Variants in COL4A1 observed in about 807,000 individuals in gnomAD.
COL4A1 encodes collagen alpha-1(IV) chain.
COL4A1 carries 40 observed loss-of-function variants against 216.6 expected under a neutral mutation model. The ratio of observed to expected loss-of-function variants is 0.18; its 90% CI spans 0.14 to 0.24. The LOEUF (loss-of-function observed/expected upper bound fraction) is 0.24. Among genes scored for constraint, COL4A1 ranks in the 10% least tolerant of loss-of-function variants. The pLI, the probability that COL4A1 is intolerant of heterozygous loss-of-function variation, is 1.00. For missense variants in COL4A1, 1,628 were observed against 2,196.8 expected (o/e 0.74, Z 5.18); for synonymous variants, 839 against 810.7 (o/e 1.03, Z -0.59).
At chr13:110,175,391 C>T (rs1877837595) in intron 36 of COL4A1, 34 bp from the exon 37 acceptor site, 1 of 1,613,458 alleles carries the variant, frequency 6.2e-7, no homozygotes, top group South Asian at 1.1e-5. Flanking sequence ...TTGATTTGGG[C>T]TTAGCTAGTG....
chr13:110,249,856 A>G (rs984685374), intron 1 of COL4A1, among the ~76,000 whole-genome samples: 1 of 152,224 alleles, frequency 6.6e-6, no homozygotes, highest in African/African-American at 2.4e-5. Flanking sequence ...TTACATTTGC[A>G]TAACATTTTT....
At chr13:110,221,184 T>A (rs1266671502) in intron 2 of COL4A1, among the ~76,000 whole-genome samples, 1 of 152,264 alleles carries the variant, frequency 6.6e-6, no homozygotes, top group African/African-American at 2.4e-5. Context: ...AGCTGAACAC[T>A]CAAGTCATAT....
chr13:110,260,968 T>C (rs1193127), intron 1 of COL4A1, among the ~76,000 whole-genome samples: 148,399 of 149,686 alleles, frequency 0.99, 73,578 homozygotes, highest in Middle Eastern at 1. Context: ...ACCCGAGAAG[T>C]GGAGCTTGCA....
rs1175219733 is a variant in COL4A1, at chr13:110,169,670, C to T, written c.3835G>A (p.Val1279Ile). ...CCAGGGTCTCCCTTGGGCCCTGGGA[C>T]ACCGGGTGCTCCTGGCCAGCCTGGA... ...GNPGWPGAPG[V>I]PGPKGDPGFQ... The change falls in exon 43 of 52, where the codon GTC (valine) becomes ATC (isoleucine). Residue 1279 changes from valine to isoleucine, a missense_variant. Physicochemically the swap from Val to Ile is conservative, Grantham distance 29. Transcript: ENST00000375820. 6.2e-7 allele frequency: 1 copy of T among 1,614,140 alleles called. No individual in the cohort carries two copies. The highest frequency in any genetic ancestry group is 1.3e-5 in the African/African-American group (1 of 75,034).
Position 110,173,882 on chromosome 13 carries a change from T to A in COL4A1, c.3505+18A>T, listed in dbSNP as rs769179345. On this transcript the variant is annotated intron_variant, in intron 40 of 51. Transcript: ENST00000375820. The stretch of plus-strand genomic sequence containing the variant: ...GGACACTGCTGATTCTGATAGGGAA[T>A]GGGGCGTTGGGCCATACCTGGTTCA... 2 of 1,613,838 alleles carry A rather than the reference T, an allele frequency of 1.2e-6. No individual in the cohort carries two copies. Among genetic ancestry groups the A allele is most frequent in the African/African-American group, 1.3e-5 (1 of 74,914 alleles).
chr13:110,260,281 A>G (rs1723961165), intron 1 of COL4A1, among the ~76,000 whole-genome samples: 1 of 152,230 alleles, frequency 6.6e-6, no homozygotes, highest in Non-Finnish European at 1.5e-5. Flanking sequence ...TCCCATTTAT[A>G]AAACCGTCGC....
At chr13:110,159,829 G>C (rs980591539) in intron 49 of COL4A1, among the ~76,000 whole-genome samples, 3 of 152,168 alleles carry the variant, frequency 2.0e-5, no homozygotes, top group Non-Finnish European at 4.4e-5. Context: ...AGGACATTAT[G>C]CTGAGTGAAA....
At chr13:110,167,065 G>T in intron 44 of COL4A1, 93 bp downstream of exon 44, 1 of 960,116 alleles carries the variant, frequency 1.0e-6, no homozygotes, top group Non-Finnish European at 1.7e-6. Flanking sequence ...AATGGCAGCG[G>T]TGCTATCAGT....
chr13:110,285,093 T>C (rs117046138), intron 1 of COL4A1, among the ~76,000 whole-genome samples: 1 of 152,344 alleles, frequency 6.6e-6, no homozygotes, highest in East Asian at 1.9e-4. Flanking sequence ...TGAGCAGTGT[T>C]TGGATCTTTT....
At position 110,268,828 on chromosome 13, in the gene COL4A1, C is replaced by T. The variant is rs1292504665; in HGVS notation, c.85-26094G>A. Among the ~76,000 whole-genome samples the T allele has an allele frequency of 6.6e-6, 1 of 152,144 alleles. No homozygotes were observed. The highest frequency in any genetic ancestry group is 1.5e-5 in the Non-Finnish European group (1 of 68,032). On this transcript the variant is annotated intron_variant, in intron 1 of 51. Transcript: ENST00000375820. The surrounding 1 kb of genome is among the most constrained non-coding windows in gnomAD (Gnocchi z 4.1). The stretch of plus-strand genomic sequence containing the variant: ...CTCTGTCATCCGCCCATCTTCCAGC[C>T]GAGGGCAGGTGAGACACAAGGAGGA...
intron 1 of COL4A1, among the ~76,000 whole-genome samples, chr13:110,270,627 C>T (rs1883211718): frequency 6.6e-6 from 1 of 152,066 alleles, no homozygotes; most frequent in Non-Finnish European, 1.5e-5. Flanking sequence ...AACGAGGTCT[C>T]TGACCTCCCA....
chr13:110,219,670 A>ATGTG (rs1555307845), intron 2 of COL4A1, among the ~76,000 whole-genome samples: 11,629 of 72,330 alleles, frequency 0.16, 676 homozygotes, highest in East Asian at 0.26. Context: ...ATGTATATAT[A>ATGTG]TATATATGTG....
intron 23 of COL4A1, 52 bp from the exon 24 acceptor site, chr13:110,192,336 T>A (rs777454103): frequency 6.5e-7 from 1 of 1,533,356 alleles, no homozygotes; most frequent in Non-Finnish European, 9.0e-7. Flanking sequence ...ATGAGACACT[T>A]CTCAAAACCT....
rs1877826302 is a variant in COL4A1 at position 110,175,205 on chromosome 13, G to A, written c.3198+13C>T. The stretch of plus-strand genomic sequence containing the variant: ...TGGGAGAAGGGGACCTTTCCACGCA[G>A]AGCGCTGGTTACCTTTTCACCTCGC... On this transcript the variant is annotated intron_variant, in intron 37 of 51. Transcript: ENST00000375820. The A allele has an allele frequency of 1.9e-6, 3 of 1,614,074 alleles. No homozygotes were observed. The highest frequency in any genetic ancestry group is 4.5e-5 in the East Asian group (2 of 44,898).
intron 1 of COL4A1, among the ~76,000 whole-genome samples, chr13:110,286,843 T>C (rs567013133): frequency 6.6e-6 from 1 of 152,364 alleles, no homozygotes; most frequent in South Asian, 2.1e-4. Flanking sequence ...TGCTTCTGAC[T>C]GTGTCCCAAG....
At chr13:110,220,509 A>T (rs967583335) in intron 2 of COL4A1, among the ~76,000 whole-genome samples, 4 of 152,210 alleles carry the variant, frequency 2.6e-5, no homozygotes, top group Non-Finnish European at 5.9e-5. Context: ...AGCCCAGGAA[A>T]AGATCAAAAT....
chr13:110,192,748 T>C (rs1301921853), intron 23 of COL4A1, 82 bp downstream of exon 23: 19 of 1,226,734 alleles, frequency 1.5e-5, no homozygotes, highest in Middle Eastern at 2.4e-4. Context: ...AGGCCTTCTA[T>C]GGAGTGAAAT....
intron 24 of COL4A1, among the ~76,000 whole-genome samples, chr13:110,187,708 G>C (rs1878463727): frequency 1.3e-5 from 2 of 152,112 alleles, no homozygotes; most frequent in Admixed American, 1.3e-4. Flanking sequence ...GTGGTTCATT[G>C]TGCAGCTTCA....
chr13:110,255,509 G>A (rs66656189), intron 1 of COL4A1, among the ~76,000 whole-genome samples: 35,809 of 117,632 alleles, frequency 0.3, 6,436 homozygotes, highest in Non-Finnish European at 0.4. Flanking sequence ...ATGAAAGAAC[G>A]GTGATTCCAC....
Sources: allele counts gnomAD v4.1 joint callset (sites outside exome capture counted in the v4.1 genomes callset), GRCh38; gene constraint gnomAD v4.1.1; non-coding constraint Gnocchi (gnomAD v3.1); transcripts MANE v1.5; gene names NCBI Gene and HGNC (gene_info 2026-07-23, HGNC 2026-07-21).